Variants in PHIP observed in about 807,000 individuals in gnomAD.
The protein encoded by PHIP is PHIP subunit of CUL4-Ring ligase complex, also known as PH-interacting protein.
In PHIP, 54 loss-of-function variants were observed where a neutral mutation model predicts 236.8. The ratio of observed to expected loss-of-function variants is 0.23; its 90% CI spans 0.18 to 0.29. The LOEUF (loss-of-function observed/expected upper bound fraction) is 0.29, where lower values mean the gene tolerates loss of function less well. Ranked by LOEUF, PHIP falls within the 10% of genes least tolerant of loss-of-function variation. The probability of loss-of-function intolerance (pLI) is 1.00; values close to 1 mark genes in which losing one functional copy is unlikely to be tolerated. For synonymous variants in PHIP, 756 were observed against 718.9 expected (o/e 1.05, Z -0.83); for missense variants, 1,370 against 2,190.8 (o/e 0.63, Z 7.48).
At chr6:78,943,539 C>T (rs998313960) in intron 39 of PHIP, among the ~76,000 whole-genome samples, 1 of 152,110 alleles carries the variant, frequency 6.6e-6, no homozygotes, top group Admixed American at 6.6e-5. Flanking sequence ...TTTGGTTATT[C>T]AAACACTTAT....
At chr6:78,943,299 C>A (rs1200762774) in intron 39 of PHIP, among the ~76,000 whole-genome samples, 4 of 151,984 alleles carry the variant, frequency 2.6e-5, no homozygotes, top group African/African-American at 9.7e-5. Flanking sequence ...AATGATATTT[C>A]TATACAGTAC....
Position 79,003,820 on chromosome 6 carries a change from T to C in PHIP, c.1563A>G (p.Lys521=), listed in dbSNP as rs142963281. The C allele has an allele frequency of 1.7e-3, 2,788 of 1,610,118 alleles. 4 individuals are homozygous for C. Among genetic ancestry groups the C allele is most frequent in the Non-Finnish European group, 2.1e-3 (2,503 of 1,177,546 alleles). The part of the protein sequence containing the change: ...GQGHGAVFDC[K]CSPDGQHFAC... ...CAAAATGCTGACCATCAGGAGAGCA[T>C]TTGCAGTCAAATACTGCGCCATGTC... The change falls in exon 16 of 40, where the codon AAA becomes AAG. Residue 521 remains lysine, a synonymous_variant. Transcript: ENST00000275034.
chr6:79,009,375 A>C (rs1770458173), intron 15 of PHIP, among the ~76,000 whole-genome samples: 1 of 151,998 alleles, frequency 6.6e-6, no homozygotes, highest in Non-Finnish European at 1.5e-5. Flanking sequence ...ATTCCTATTT[A>C]TCTTTCAAGG....
At chr6:79,030,746 T>C (rs1771627506) in intron 7 of PHIP, among the ~76,000 whole-genome samples, 1 of 152,184 alleles carries the variant, frequency 6.6e-6, no homozygotes, top group African/African-American at 2.4e-5. Context: ...CAGATGAGAT[T>C]ACGAAGAGAG....
In PHIP at chr6:79,032,509, T is replaced by C. The variant is rs188557466; in HGVS notation, c.601-6345A>G. On this transcript the variant is annotated intron_variant, in intron 7 of 39. Transcript: ENST00000275034. The stretch of plus-strand genomic sequence containing the variant: ...TCACAGCATCTTGACCAAGAGTAAA[T>C]TCCATCTCAAGAAACTACTTTCTTT... Among the ~76,000 whole-genome samples the C allele has an allele frequency of 8.7e-4, 132 of 152,280 alleles. 1 individual carries two copies. The South Asian group carries it at 0.01, about 12-fold the overall frequency.
At chr6:79,018,497 T>C (rs1040944007) in intron 10 of PHIP, among the ~76,000 whole-genome samples, 3 of 152,168 alleles carry the variant, frequency 2.0e-5, no homozygotes, top group South Asian at 2.1e-4. Context: ...GATCTACTCA[T>C]GTTTCATTTA....
chr6:79,076,149 C>T (rs1474853691), intron 4 of PHIP, among the ~76,000 whole-genome samples: 1 of 152,116 alleles, frequency 6.6e-6, no homozygotes, highest in Non-Finnish European at 1.5e-5. Flanking sequence ...CAGCCTTGAG[C>T]GGTTATCAAC....
At chr6:78,973,925 T>C (rs1381228165) in intron 24 of PHIP, among the ~76,000 whole-genome samples, 1 of 151,900 alleles carries the variant, frequency 6.6e-6, no homozygotes, top group East Asian at 1.9e-4. Context: ...ACATTAATAA[T>C]GGGAGACTTT....
intron 7 of PHIP, among the ~76,000 whole-genome samples, chr6:79,028,890 A>C (rs1020948926): frequency 6.6e-6 from 1 of 152,126 alleles, no homozygotes; most frequent in African/African-American, 2.4e-5. Context: ...AAATAAAAAC[A>C]CCAGTCTTTT....
Position 78,982,911 on chromosome 6 carries a change from T to G in PHIP, c.2744A>C (p.Lys915Thr). 3 of 1,567,008 alleles carry G rather than the reference T, an allele frequency of 1.9e-6. No individual in the cohort carries two copies. Among genetic ancestry groups the G allele is most frequent in the Non-Finnish European group, 2.6e-6 (3 of 1,164,152 alleles). Reference sequence around the variant, plus strand: ...CTTTTGTTTTCTTTCTTTGGGCTTCTTTTTCTTTGGTGATATTGGTCCATC... The same window carrying G: ...CTTTTGTTTTCTTTCTTTGGGCTTCGTTTTCTTTGGTGATATTGGTCCATC... ...EKDGPISPKK[K>T]KPKERKQKRL... is the part of the protein sequence containing the mutation. Residue 915 changes from lysine to threonine, a missense_variant, in exon 23 of 40, where the codon AAG becomes ACG. Physicochemically the swap from Lys to Thr is moderately conservative, Grantham distance 78 (BLOSUM62 -1). Transcript: ENST00000275034.
chr6:79,040,678 G>A (rs989984448), intron 7 of PHIP, among the ~76,000 whole-genome samples: 6 of 152,010 alleles, frequency 3.9e-5, no homozygotes, highest in Non-Finnish European at 8.8e-5. Context: ...TGAGCAATAT[G>A]AATAGTGAAC....
intron 24 of PHIP, among the ~76,000 whole-genome samples, chr6:78,973,951 A>T (rs1767829737): frequency 6.6e-6 from 1 of 152,084 alleles, no homozygotes; most frequent in African/African-American, 2.4e-5. Flanking sequence ...CCCACTGTCA[A>T]CATTAGACAG....
intron 4 of PHIP, among the ~76,000 whole-genome samples, chr6:79,063,291 C>G (rs1464247265): frequency 2.6e-5 from 4 of 152,328 alleles, no homozygotes; most frequent in Non-Finnish European, 4.4e-5. Flanking sequence ...TAAGAATATG[C>G]AGAAACGACT....
intron 18 of PHIP, 110 bp from the exon 19 acceptor site, chr6:78,997,707 G>T: frequency 1.2e-6 from 1 of 856,630 alleles, no homozygotes; most frequent in Non-Finnish European, 1.8e-6. Flanking sequence ...TCATATTGTG[G>T]CAAAATAATT....
intron 32 of PHIP, chr6:78,956,847 C>T (rs1164752975): frequency 6.6e-6 from 1 of 152,036 alleles, no homozygotes; most frequent in African/African-American, 2.4e-5. Context: ...TCTCTTACTA[C>T]TTGTCACAGT....
chr6:79,015,519 C>A, intron 14 of PHIP, 111 bp downstream of exon 14: 1 of 818,644 alleles, frequency 1.2e-6, no homozygotes, highest in African/African-American at 1.7e-5. Context: ...AGCCGTTACC[C>A]CAGCAAGCAA....
At chr6:78,960,404 G>T (rs1766697300) in intron 31 of PHIP, among the ~76,000 whole-genome samples, 1 of 150,648 alleles carries the variant, frequency 6.6e-6, no homozygotes, top group Non-Finnish European at 1.5e-5. Flanking sequence ...CCAATCTTTA[G>T]CAATTTAAGG....
intron 19 of PHIP, among the ~76,000 whole-genome samples, chr6:78,992,057 G>A (rs1156488610): frequency 2.0e-5 from 3 of 150,756 alleles, no homozygotes; most frequent in East Asian, 3.9e-4. Context: ...TGCCCCCCGG[G>A]GTTCACACCA....
rs1766336730 is a variant in PHIP, at chr6:78,955,223, CTA to C, written c.3903+7_3903+8del. ...TAAAGTACTTCTGCTAAAACTAAAACTATATTACCTTCCTTTTTCGAGTAGAA... is the reference window on the plus strand; with the variant it reads ...TAAAGTACTTCTGCTAAAACTAAAACTATTACCTTCCTTTTTCGAGTAGAA... On this transcript the variant is annotated splice_region_variant and intron_variant, in intron 34 of 39. Coordinates refer to ENST00000275034, the MANE Select transcript of PHIP (RefSeq NM_017934.7). The C allele has an allele frequency of 3.1e-6, 5 of 1,591,476 alleles. No individual in the cohort carries two copies. The highest frequency in any genetic ancestry group is 1.1e-5 in the South Asian group (1 of 89,830).
Sources: allele counts gnomAD v4.1 joint callset (sites outside exome capture counted in the v4.1 genomes callset), GRCh38; gene constraint gnomAD v4.1.1; transcripts MANE v1.5; gene names NCBI Gene and HGNC (gene_info 2026-07-23, HGNC 2026-07-21).